The following USB1 variants were observed in gnomAD, a reference collection of about 807,000 sequenced individuals.
USB1 encodes the protein U6 snRNA biogenesis phosphodiesterase 1, also known as U6 snRNA phosphodiesterase 1.
Under a neutral mutation model 29.9 loss-of-function variants are expected in USB1, and 21 were observed. That is an observed-to-expected ratio of 0.70 (90% CI 0.50 to 1.01). The LOEUF is 1.01. Ranked by LOEUF, USB1 falls within the 50% of genes least tolerant of loss-of-function variation. The pLI is 0.00. For synonymous variants in USB1, 143 were observed against 134.9 expected (o/e 1.06, Z -0.42); for missense variants, 330 against 347.1 (o/e 0.95, Z 0.39).
chr16:58,014,245 TC>T (rs1311678133), intron 3 of USB1, 27 bp from the exon 4 acceptor site: 16 of 1,588,776 alleles, frequency 1.0e-5, no homozygotes, highest in African/African-American at 1.3e-5. Context: ...TTACGATTTT[TC>T]CTGAAATATG....
intron 3 of USB1, chr16:58,011,324 C>T (rs1454906622): frequency 7.1e-7 from 1 of 1,399,524 alleles, no homozygotes; most frequent in Non-Finnish European, 9.3e-7. Context: ...TGGGTGCCCT[C>T]AGCACACCAC....
chr16:58,001,572 G>T lies in USB1; in HGVS notation c.89G>T (p.Ser30Ile). 2 of 1,606,742 alleles carry T rather than the reference G, an allele frequency of 1.2e-6. No individual in the cohort carries two copies. Among genetic ancestry groups the T allele is most frequent in the Non-Finnish European group, 1.7e-6 (2 of 1,177,182 alleles). ...DGMRTRPGDG[S>I]HRRGQSPLPR... ...ATGCGGACCAGGCCGGGGGATGGGA[G>T]CCACCGTCGGTGAGGAGTGAGGAAG... Residue 30 changes from serine to isoleucine, a missense_variant, in exon 1 of 7, where the codon AGC becomes ATC. Coordinates refer to ENST00000219281, the MANE Select transcript of USB1 (RefSeq NM_024598.4).
rs184209364 is a variant in USB1, at chr16:58,011,277, T to A, written c.449+1165T>A. Reference sequence around the variant, plus strand: ...AACAGGTCATGGTAATGGTGGGAGCTACCTCACTGGGGGCCTATGGGGGTG... The same window carrying A: ...AACAGGTCATGGTAATGGTGGGAGCAACCTCACTGGGGGCCTATGGGGGTG... On this transcript the variant is annotated intron_variant, in intron 3 of 6. Transcript: ENST00000219281. 3.5e-4 allele frequency: 503 copies of A among 1,438,898 alleles called. 6 individuals are homozygous for A. The East Asian group carries it at 8.1e-3, about 23-fold the overall frequency. 89.1% of individuals were successfully genotyped at this position (1,438,898 alleles called of 1,614,324 possible).
intron 2 of USB1, among the ~76,000 whole-genome samples, chr16:58,008,873 A>T (rs1963425456): frequency 6.6e-6 from 1 of 152,232 alleles, no homozygotes; most frequent in Non-Finnish European, 1.5e-5. Flanking sequence ...AAATATTTAT[A>T]AAGTTTTCTG....
upstream of USB1, chr16:58,001,358 C>G (rs866010225): frequency 8.9e-7 from 1 of 1,128,634 alleles, no homozygotes; most frequent in Non-Finnish European, 1.3e-6. Context: ...CCGCCCCTCC[C>G]GGCTCCGCCC....
intron 6 of USB1, 127 bp from the exon 7 acceptor site, chr16:58,020,014 G>C: frequency 1.2e-6 from 1 of 823,850 alleles, no homozygotes; most frequent in Non-Finnish European, 2.1e-6. Flanking sequence ...CACCAATGCA[G>C]AGCCTGGAGC....
In USB1 at chr16:58,018,528, G is replaced by A. The variant is rs151012090; in HGVS notation, c.610-444G>A. Among the ~76,000 whole-genome samples, 272 of 152,184 alleles carry A rather than the reference G, an allele frequency of 1.8e-3. 2 individuals carry two copies. Among genetic ancestry groups the A allele is most frequent in the African/African-American group, 6.0e-3 (248 of 41,524 alleles). ...TGTGAGCCACTGCACCCGGCCAAGC[G>A]TGGTCGGTTTCTGGTGAGGGTTCTT... On this transcript the variant is annotated intron_variant, in intron 5 of 6. Transcript: ENST00000219281.
At chr16:58,014,142 T>TAATG in intron 3 of USB1, 131 bp from the exon 4 acceptor site, 1 of 752,146 alleles carries the variant, frequency 1.3e-6, no homozygotes. Flanking sequence ...ACCACCTGCA[T>TAATG]AATGGGGTGA....
intron 2 of USB1, among the ~76,000 whole-genome samples, chr16:58,004,381 T>A (rs1376478605): frequency 6.6e-6 from 1 of 152,208 alleles, no homozygotes; most frequent in Admixed American, 6.5e-5. Flanking sequence ...GTTGGGTAGT[T>A]TCAGTCCTCC....
chr16:58,014,815 G>A lies in USB1; in HGVS notation c.503+489G>A, dbSNP rs143109760. Among the ~76,000 whole-genome samples the A allele has an allele frequency of 1.4e-4, 22 of 152,004 alleles. No homozygotes were observed. In the East Asian group the frequency reaches 3.7e-3, roughly 25 times the overall value. On this transcript the variant is annotated intron_variant, in intron 4 of 6. Coordinates refer to ENST00000219281, the MANE Select transcript of USB1 (RefSeq NM_024598.4). ...TAAAAGGCCAGGTGCGGTGGCTCAC[G>A]CTTGTAATCCCAGCACTTTGAGAGG...
At chr16:58,016,972 C>T (rs1241069909) in intron 4 of USB1, 7 of 329,612 alleles carry the variant, frequency 2.1e-5, no homozygotes, top group Non-Finnish European at 3.5e-5. Context: ...GCAAAGTCCT[C>T]GAGAAGAGGC....
chr16:58,005,809 T>C (rs988784648), intron 2 of USB1, among the ~76,000 whole-genome samples: 11 of 152,242 alleles, frequency 7.2e-5, no homozygotes, highest in Non-Finnish European at 4.4e-5. Context: ...TTTCCTCATA[T>C]AGATCTTATA....
chr16:58,014,816 C>T (rs1338735386), intron 4 of USB1, among the ~76,000 whole-genome samples: 2 of 151,900 alleles, frequency 1.3e-5, no homozygotes, highest in African/African-American at 4.8e-5. Context: ...GTGGCTCACG[C>T]TTGTAATCCC....
In USB1 at chr16:58,002,644, A is replaced by C; in HGVS notation, c.264A>C (p.Pro88=). Residue 88 remains proline, a splice_region_variant and synonymous_variant, in exon 2 of 7, where the codon CCA becomes CCC. Transcript: ENST00000219281. ...ACTGGGCCACCCACGTCTATGTACCATGTGAGTGATGTGTGAAAGGCAAGT... is the reference window on the plus strand; with the variant it reads ...ACTGGGCCACCCACGTCTATGTACCCTGTGAGTGATGTGTGAAAGGCAAGT... ...RGNWATHVYV[P]YEAKEEFLDL... 1 of 1,613,774 alleles carries C rather than the reference A, an allele frequency of 6.2e-7. No homozygotes were observed.
intron 4 of USB1, 65 bp from the exon 5 acceptor site, chr16:58,017,269 G>T: frequency 6.8e-7 from 1 of 1,472,060 alleles, no homozygotes; most frequent in South Asian, 1.1e-5. Context: ...GCTCCTGCTC[G>T]GCTGCGCAGA....
intron 4 of USB1, 54 bp downstream of exon 4, chr16:58,014,380 A>C (rs759940822): frequency 1.2e-5 from 18 of 1,485,116 alleles, no homozygotes; most frequent in Non-Finnish European, 1.6e-5. Flanking sequence ...TGGTGCAAAA[A>C]TTGAGTGCTT....
chr16:58,018,709 C>T (rs962455832), intron 5 of USB1, among the ~76,000 whole-genome samples: 5 of 152,110 alleles, frequency 3.3e-5, no homozygotes, highest in African/African-American at 9.7e-5. Context: ...TCAAAGGCCC[C>T]ATCTTTACAT....
Position 58,001,472 on chromosome 16 carries a change from G to C in USB1, c.-12G>C, listed in dbSNP as rs774106572. On this transcript the variant is annotated 5_prime_UTR_variant, in exon 1 of 7. Coordinates refer to ENST00000219281, the MANE Select transcript of USB1 (RefSeq NM_024598.4). ...CTGGTGGACCTGCTCTGGTGGTCTT[G>C]GATGAGGCCCCATGAGCGCGGCGCC... 3 of 1,592,154 alleles carry C rather than the reference G, an allele frequency of 1.9e-6. No homozygotes were observed. The South Asian group carries it at 3.4e-5, about 18-fold the overall frequency.
intron 5 of USB1, among the ~76,000 whole-genome samples, chr16:58,017,681 G>A (rs993345338): frequency 3.9e-5 from 6 of 152,106 alleles, no homozygotes; most frequent in Non-Finnish European, 5.9e-5. Flanking sequence ...AAATACGCCC[G>A]AGATTTGTAC....
Sources: allele counts gnomAD v4.1 joint callset (sites outside exome capture counted in the v4.1 genomes callset), GRCh38; gene constraint gnomAD v4.1.1; transcripts MANE v1.5; gene names NCBI Gene and HGNC (gene_info 2026-07-23, HGNC 2026-07-21).